ADAM20: variants seen among roughly 807,000 people sequenced by gnomAD.
ADAM20 encodes the protein disintegrin and metalloproteinase domain-containing protein 20.
For synonymous variants in ADAM20, 305 were observed against 310.2 expected, an observed-to-expected ratio of 0.98 and a Z score of 0.18; for missense variants, 871 against 883.2, an observed-to-expected ratio of 0.99 and a Z score of 0.18.
upstream of ADAM20, among the ~76,000 whole-genome samples, chr14:70,535,353 G>A (rs1436158111): frequency 6.6e-6 from 1 of 152,192 alleles, no homozygotes; most frequent in African/African-American, 2.4e-5. Context: ...AATGCTTGCA[G>A]AGTGACAACA....
chr14:70,578,163 C>T, the ADAM20 span, among the ~76,000 whole-genome samples: 75 of 152,126 alleles, frequency 4.9e-4, 1 homozygote, highest in Non-Finnish European at 5.3e-4. Context: ...TATAAAAGAA[C>T]TTCTACAATT....
At chr14:70,572,033 T>A in the ADAM20 span, among the ~76,000 whole-genome samples, 1 of 152,228 alleles carries the variant, frequency 6.6e-6, no homozygotes, top group Non-Finnish European at 1.5e-5. Context: ...AGAATCAATA[T>A]AACTAAAATG....
upstream of ADAM20, among the ~76,000 whole-genome samples, chr14:70,538,453 G>C (rs1466257153): frequency 6.6e-6 from 1 of 152,174 alleles, no homozygotes. Context: ...AGAGTGCTCA[G>C]CTTAATTAAA....
In ADAM20 at chr14:70,533,765, A is replaced by T. The variant is rs570368811; in HGVS notation, c.-177+1032T>A. 1.3e-4 allele frequency among the ~76,000 whole-genome samples: 19 copies of T among 143,006 alleles called. No homozygotes were observed. The East Asian group carries it at 1.4e-3, about 11-fold the overall frequency. The allele number at this position is 143,006 out of a possible 152,430, so 93.8% of individuals were successfully genotyped here. A position where few individuals can be genotyped will look rare whatever the true frequency, so the allele number is the denominator to read the frequency against. On this transcript the variant is annotated intron_variant, in intron 1 of 1. Transcript: ENST00000256389. ...ACATGTATCCTAGAACTTAAAATTT[A>T]AAAAAAAAAAACCCTCTTAGAAAAA...
At chr14:70,540,554 G>T in the ADAM20 span, among the ~76,000 whole-genome samples, 1 of 152,144 alleles carries the variant, frequency 6.6e-6, no homozygotes, top group Non-Finnish European at 1.5e-5. Flanking sequence ...ATCAACATTT[G>T]TCATAGAGGC....
In ADAM20 at chr14:70,523,361, C is replaced by A; in HGVS notation, c.1397G>T (p.Arg466Ile). ...AAGGTCACATTCACCAACTTGTTGT[C>A]TACATAAAGTTCCTGATGGCAGAAA... ...CKFLPSGTLC[R>I]QQVGECDLPE... Residue 466 changes from arginine to isoleucine, a missense_variant, in exon 2 of 2, where the codon AGA (arginine) becomes ATA (isoleucine). Physicochemically the swap from Arg to Ile is moderately conservative, Grantham distance 97 (BLOSUM62 -3). Coordinates refer to ENST00000256389, the MANE Select transcript of ADAM20 (RefSeq NM_003814.5). The A allele has an allele frequency of 6.2e-7, 1 of 1,614,054 alleles. No individual in the cohort carries two copies. Among genetic ancestry groups the A allele is most frequent in the Non-Finnish European group, 8.5e-7 (1 of 1,179,966 alleles).
chr14:70,538,176 C>T (rs1883874936), upstream of ADAM20, among the ~76,000 whole-genome samples: 1 of 152,094 alleles, frequency 6.6e-6, no homozygotes, highest in African/African-American at 2.4e-5. Context: ...CCCCAAATCC[C>T]ACTCCTCCTC....
chr14:70,559,279 A>G, the ADAM20 span, among the ~76,000 whole-genome samples: 5 of 130,028 alleles, frequency 3.8e-5, no homozygotes, highest in African/African-American at 9.3e-5. Flanking sequence ...AGTTGCCTAG[A>G]AAAAAAAAAA....
At chr14:70,545,086 T>C in the ADAM20 span, among the ~76,000 whole-genome samples, 3 of 152,102 alleles carry the variant, frequency 2.0e-5, no homozygotes, top group Non-Finnish European at 2.9e-5. Flanking sequence ...CCTTTAAAAA[T>C]ACAATGAAAA....
At chr14:70,573,528 T>C in the ADAM20 span, among the ~76,000 whole-genome samples, 1 of 152,062 alleles carries the variant, frequency 6.6e-6, no homozygotes, top group Non-Finnish European at 1.5e-5. Context: ...AACCCTAGGA[T>C]TACCCAATAC....
At chr14:70,561,846 G>A in the ADAM20 span, among the ~76,000 whole-genome samples, 2 of 152,266 alleles carry the variant, frequency 1.3e-5, no homozygotes, top group African/African-American at 4.8e-5. Flanking sequence ...AGGTATCAGA[G>A]GATGTATGGA....
rs987587159 is a variant in ADAM20, at chr14:70,524,839, T to C, written c.-82A>G. 3.7e-6 allele frequency: 6 copies of C among 1,613,140 alleles called. No individual in the cohort carries two copies. In the African/African-American group the frequency reaches 8.0e-5, roughly 22 times the overall value. ...GCACTGCTGGTCTGGCTCCTCCCTC[T>C]GAGCTGTTCAGGGTGCATGGCTGAC... On this transcript the variant is annotated 5_prime_UTR_variant, in exon 2 of 2. Transcript: ENST00000256389.
At chr14:70,554,904 G>T in the ADAM20 span, among the ~76,000 whole-genome samples, 1 of 152,220 alleles carries the variant, frequency 6.6e-6, no homozygotes, top group Admixed American at 6.5e-5. Context: ...ACACTTCACA[G>T]TGTGGGAGAG....
At chr14:70,561,384 T>C in the ADAM20 span, among the ~76,000 whole-genome samples, 2 of 152,232 alleles carry the variant, frequency 1.3e-5, no homozygotes, top group Admixed American at 1.3e-4. Flanking sequence ...GGAACTTGTA[T>C]TTAAAAGAGA....
chr14:70,536,213 C>T (rs1883828153), upstream of ADAM20, among the ~76,000 whole-genome samples: 1 of 151,926 alleles, frequency 6.6e-6, no homozygotes, highest in African/African-American at 2.4e-5. Context: ...CACCTGTAAT[C>T]CTAGCACTTT....
the ADAM20 span, among the ~76,000 whole-genome samples, chr14:70,561,022 CAGA>C: frequency 6.6e-6 from 1 of 152,122 alleles, no homozygotes; most frequent in African/African-American, 2.4e-5. Context: ...TTGGAGGGCT[CAGA>C]AGAAGACAGG....
At chr14:70,567,150 T>G in the ADAM20 span, among the ~76,000 whole-genome samples, 1 of 152,078 alleles carries the variant, frequency 6.6e-6, no homozygotes, top group South Asian at 2.1e-4. Context: ...CTGTAGGAAT[T>G]CATGTACTCC....
At chr14:70,539,761 T>C (rs1242996418), upstream of ADAM20, among the ~76,000 whole-genome samples, 2 of 152,196 alleles carry the variant, frequency 1.3e-5, no homozygotes, top group Admixed American at 1.3e-4. Flanking sequence ...ACAGATGTTA[T>C]GTTAAAGAAT....
chr14:70,544,732 CAG>C, the ADAM20 span, among the ~76,000 whole-genome samples: 2 of 152,024 alleles, frequency 1.3e-5, no homozygotes, highest in Admixed American at 6.6e-5. Context: ...TCTAAGGTAA[CAG>C]ATATGCTAAT....
Sources: gnomAD v4.1 joint callset for allele counts (sites outside exome capture counted in the v4.1 genomes callset) on GRCh38, gnomAD v4.1.1 for gene constraint, MANE v1.5 for transcripts, NCBI Gene and HGNC (gene_info 2026-07-23, HGNC 2026-07-21) for gene names.